Variants in TLE4 observed in about 807,000 individuals in gnomAD.
TLE4 encodes the protein TLE family member 4, transcriptional corepressor.
TLE4 carries 8 observed loss-of-function variants against 92.8 expected under a neutral mutation model. That is an observed-to-expected ratio of 0.09 (90% CI 0.05 to 0.16). TLE4 has a LOEUF of 0.16. TLE4 is among the 10% of genes least tolerant of loss of function. The pLI, the probability that TLE4 is intolerant of heterozygous loss-of-function variation, is 1.00. For synonymous variants in TLE4, 371 were observed against 374.1 expected (o/e 0.99, Z 0.10); for missense variants, 675 against 997.6 (o/e 0.68, Z 4.36).
intron 6 of TLE4, among the ~76,000 whole-genome samples, chr9:79,641,844 T>C (rs1433476170): frequency 2.6e-5 from 4 of 152,112 alleles, no homozygotes; most frequent in African/African-American, 9.7e-5. Context: ...CTCTCTCACC[T>C]AGGAGATCAC....
intron 6 of TLE4, among the ~76,000 whole-genome samples, chr9:79,648,261 G>A (rs1382347511): frequency 6.6e-6 from 1 of 152,116 alleles, no homozygotes; most frequent in African/African-American, 2.4e-5. Flanking sequence ...TATGTTTAGG[G>A]AACTGAGCTA....
At position 79,722,678 on chromosome 9, in the gene TLE4, C is replaced by T. The variant is rs77087932; in HGVS notation, c.2137+77C>T. On this transcript the variant is annotated intron_variant, in intron 18 of 19. Transcript: ENST00000376552. ...CCTTCCTGTGTTTTTATTTCCAAGT[C>T]GAATCCTTGAGTTCATTACCATGCC... 6.5e-4 allele frequency: 1,002 copies of T among 1,546,820 alleles called. 12 individuals carry two copies. In the East Asian group the frequency reaches 0.02, roughly 31 times the overall value.
At chr9:79,573,542 G>A in intron 1 of TLE4, 147 bp from the exon 2 acceptor site, 1 of 824,104 alleles carries the variant, frequency 1.2e-6, no homozygotes, top group Non-Finnish European at 1.7e-6. Context: ...TGGGCGCGAG[G>A]AGGGTTGCGG....
intron 6 of TLE4, among the ~76,000 whole-genome samples, chr9:79,635,428 G>T: frequency 6.7e-6 from 1 of 149,762 alleles, no homozygotes; most frequent in Non-Finnish European, 1.5e-5. Context: ...TTTCCTTTAT[G>T]GACTTTTGGT....
intron 9 of TLE4, among the ~76,000 whole-genome samples, 191 bp from the exon 10 acceptor site, chr9:79,705,698 T>C (rs1015748037): frequency 6.6e-5 from 10 of 152,156 alleles, no homozygotes; most frequent in African/African-American, 2.4e-4. Context: ...AGTCTCATAA[T>C]CTGAAAAATA....
At chr9:79,656,879 G>C (rs183085342) in intron 8 of TLE4, among the ~76,000 whole-genome samples, 2 of 152,220 alleles carry the variant, frequency 1.3e-5, no homozygotes, top group Non-Finnish European at 2.9e-5. Context: ...TTAACATGTT[G>C]GGCCTTTTTT....
At chr9:79,583,818 C>T (rs1359158548) in intron 4 of TLE4, among the ~76,000 whole-genome samples, 1 of 152,118 alleles carries the variant, frequency 6.6e-6, no homozygotes, top group Non-Finnish European at 1.5e-5. Context: ...TTACAGAGAG[C>T]TTAAGGCATT....
intron 16 of TLE4, 45 bp downstream of exon 16, chr9:79,720,338 T>C: frequency 6.4e-7 from 1 of 1,572,630 alleles, no homozygotes; most frequent in Non-Finnish European, 8.6e-7. Context: ...AGGAGCCGAT[T>C]TTACCATATT....
At chr9:79,632,857 A>T (rs1300077374) in intron 6 of TLE4, among the ~76,000 whole-genome samples, 1 of 152,192 alleles carries the variant, frequency 6.6e-6, no homozygotes, top group Non-Finnish European at 1.5e-5. Context: ...TTTATAAAAC[A>T]TGCTGGCCAC....
rs202012658 is a variant in TLE4 at position 79,720,138 on chromosome 9, C to T, written c.1683C>T (p.Asp561=). 23 of 1,614,170 alleles carry T rather than the reference C, an allele frequency of 1.4e-5. No homozygotes were observed. In the Admixed American group the frequency reaches 3.0e-4, roughly 21 times the overall value. The change falls in exon 16 of 20, where the codon GAC becomes GAT. Residue 561 remains aspartate (D), a synonymous_variant. Coordinates refer to ENST00000376552, the MANE Select transcript of TLE4 (RefSeq NM_007005.6). ...AAGCCAGTACTTTGTCCATTTGGGA[C>T]CTGGCGGCTCCAACCCCACGCATCA... ...GGEASTLSIW[D]LAAPTPRIKA...
chr9:79,607,253 T>G (rs1373438793), intron 4 of TLE4, among the ~76,000 whole-genome samples: 2 of 152,204 alleles, frequency 1.3e-5, no homozygotes, highest in East Asian at 3.8e-4. Flanking sequence ...TTTAAGTTCT[T>G]TGTAGATTCT....
intron 8 of TLE4, among the ~76,000 whole-genome samples, chr9:79,679,275 C>T (rs1225174167): frequency 1.3e-5 from 2 of 152,080 alleles, no homozygotes; most frequent in Non-Finnish European, 2.9e-5. Flanking sequence ...ACCTCCTCTC[C>T]AACACCTGTT....
intron 8 of TLE4, among the ~76,000 whole-genome samples, chr9:79,682,722 C>T (rs1390964153): frequency 1.3e-5 from 2 of 152,194 alleles, no homozygotes; most frequent in African/African-American, 4.8e-5. Flanking sequence ...CTTTCCCCGG[C>T]ATTTAAAATC....
chr9:79,624,141 T>C (rs576310819), intron 5 of TLE4, among the ~76,000 whole-genome samples: 1 of 150,816 alleles, frequency 6.6e-6, no homozygotes, highest in South Asian at 2.1e-4. Flanking sequence ...GCTGTTTTTT[T>C]CTGAGTGAGA....
At chr9:79,664,882 G>A (rs1044781605) in intron 8 of TLE4, among the ~76,000 whole-genome samples, 13 of 151,738 alleles carry the variant, frequency 8.6e-5, no homozygotes, top group African/African-American at 2.9e-4. Context: ...TTCTCTTTGT[G>A]CCTCCCTTTT....
At chr9:79,719,457 C>T (rs1369557171) in intron 15 of TLE4, among the ~76,000 whole-genome samples, 1 of 152,130 alleles carries the variant, frequency 6.6e-6, no homozygotes, top group Non-Finnish European at 1.5e-5. Flanking sequence ...ATTAAATATA[C>T]ATAAGATTCC....
intron 4 of TLE4, among the ~76,000 whole-genome samples, chr9:79,587,753 A>G (rs1334691758): frequency 6.6e-6 from 1 of 152,172 alleles, no homozygotes; most frequent in Non-Finnish European, 1.5e-5. Flanking sequence ...TGGTCCTTCT[A>G]TAGGCTAAGA....
chr9:79,683,394 A>G (rs554500151), intron 8 of TLE4, among the ~76,000 whole-genome samples: 3 of 152,196 alleles, frequency 2.0e-5, no homozygotes, highest in Admixed American at 6.5e-5. Context: ...GAGCGTAAAC[A>G]TGAAGTTTAA....
intron 6 of TLE4, among the ~76,000 whole-genome samples, chr9:79,649,177 T>C: frequency 6.6e-6 from 1 of 151,954 alleles, no homozygotes; most frequent in South Asian, 2.1e-4. Flanking sequence ...AGTGTGTGTG[T>C]GTAGAGGAGG....
Sources: allele counts gnomAD v4.1 joint callset (sites outside exome capture counted in the v4.1 genomes callset), GRCh38; gene constraint gnomAD v4.1.1; transcripts MANE v1.5; gene names NCBI Gene and HGNC (gene_info 2026-07-23, HGNC 2026-07-21).